The following C8orf34 variants were observed in gnomAD, a reference collection of about 807,000 sequenced individuals.
C8orf34 encodes uncharacterized protein C8orf34.
In C8orf34, 65 loss-of-function variants were observed where a neutral mutation model predicts 68.3. That is an observed-to-expected ratio of 0.95 (90% CI 0.78 to 1.17). The LOEUF is 1.17. Among genes scored for constraint, C8orf34 ranks in the 50% most tolerant of loss-of-function variants. The probability of loss-of-function intolerance (pLI) is 0.00; values close to 1 mark genes in which losing one functional copy is unlikely to be tolerated. For synonymous variants in C8orf34, 244 were observed against 241.2 expected (o/e 1.01, Z -0.11); for missense variants, 664 against 655.4 (o/e 1.01, Z -0.14).
intron 1 of C8orf34, among the ~76,000 whole-genome samples, chr8:68,344,872 T>C (rs1806216953): frequency 1.3e-5 from 2 of 152,094 alleles, no homozygotes; most frequent in South Asian, 4.1e-4. Context: ...TCTGTGATAT[T>C]GATAGAAAAA....
chr8:68,447,360 C>T (rs1011927696), intron 3 of C8orf34: 1 of 152,146 alleles, frequency 6.6e-6, no homozygotes, highest in African/African-American at 2.4e-5. Context: ...GACAAATATC[C>T]AAGCTATACC....
rs1329281062 is a variant in C8orf34 at position 68,746,675 on chromosome 8, C to T, written c.1404+25238C>T. 5.2e-3 allele frequency among the ~76,000 whole-genome samples: 767 copies of T among 148,462 alleles called. 6 individuals carry two copies. Among genetic ancestry groups the T allele is most frequent in the African/African-American group, 0.017 (692 of 40,394 alleles). On this transcript the variant is annotated intron_variant, in intron 10 of 13. Transcript: ENST00000518698. ...CCTCGACACATACACCCTCCCAAGA[C>T]TAAACCAGGAAGAAGTTGAATCTCT...
At chr8:68,617,970 G>A (rs939200925) in intron 7 of C8orf34, among the ~76,000 whole-genome samples, 2 of 152,038 alleles carry the variant, frequency 1.3e-5, no homozygotes, top group African/African-American at 4.8e-5. Context: ...ATTTCTTGGA[G>A]GCTTTGTTCG....
At chr8:68,534,240 T>G (rs1046535347) in intron 7 of C8orf34, 2 of 985,218 alleles carry the variant, frequency 2.0e-6, no homozygotes, top group African/African-American at 1.7e-5. Context: ...TTAAGGAGAT[T>G]GTATCATGGC....
chr8:68,741,206 A>G (rs1399047354), intron 10 of C8orf34, among the ~76,000 whole-genome samples: 1 of 152,204 alleles, frequency 6.6e-6, no homozygotes. Flanking sequence ...AAACCTGCAC[A>G]TGTACCCCTG....
At chr8:68,335,385 A>G (rs1369290198) in intron 1 of C8orf34, among the ~76,000 whole-genome samples, 1 of 152,206 alleles carries the variant, frequency 6.6e-6, no homozygotes, top group Non-Finnish European at 1.5e-5. Flanking sequence ...TAAATATTGT[A>G]AATATATTTT....
At chr8:68,727,636 C>T (rs1299098965) in intron 10 of C8orf34, among the ~76,000 whole-genome samples, 2 of 152,264 alleles carry the variant, frequency 1.3e-5, no homozygotes, top group Admixed American at 6.5e-5. Flanking sequence ...TTCCATATAT[C>T]TTCCGAAATC....
rs1012080659 is a variant in C8orf34, at chr8:68,402,375, C to A, written c.328-37124C>A. 6.6e-5 allele frequency among the ~76,000 whole-genome samples: 10 copies of A among 151,786 alleles called. No individual in the cohort carries two copies. The East Asian group carries it at 1.9e-3, about 29-fold the overall frequency. On this transcript the variant is annotated intron_variant, in intron 1 of 13. Transcript: ENST00000518698. ...GGAACTAATTTTTTCTTTCATTGAT[C>A]CTTTGTATTGTTTTTTCATCTCAAT...
chr8:68,499,630 CG>C (rs1288078407), intron 5 of C8orf34, among the ~76,000 whole-genome samples: 3 of 152,056 alleles, frequency 2.0e-5, no homozygotes, highest in African/African-American at 7.3e-5. Context: ...TGTTAAAATT[CG>C]TAGGTAAAAT....
chr8:68,505,432 G>C (rs1813965267), intron 5 of C8orf34, among the ~76,000 whole-genome samples: 1 of 152,028 alleles, frequency 6.6e-6, no homozygotes, highest in South Asian at 2.1e-4. Context: ...TTTTCTCACT[G>C]AAAGAATGAG....
chr8:68,697,894 G>C (rs1820881555), intron 8 of C8orf34, among the ~76,000 whole-genome samples: 2 of 152,006 alleles, frequency 1.3e-5, no homozygotes, highest in Admixed American at 1.3e-4. Context: ...CTGTTTGTTG[G>C]TGTTGCACGA....
At position 68,662,674 on chromosome 8, in the gene C8orf34, T is replaced by A. The variant is rs138933278; in HGVS notation, c.1241+22163T>A. ...CCTCTTTTCTTTATAAATTACCCAA[T>A]CTCAGGTATGTCTTTATTAGCAGCA... is the stretch of plus-strand genomic sequence containing the variant. On this transcript the variant is annotated intron_variant, in intron 8 of 13. Transcript: ENST00000518698. 6.6e-5 allele frequency among the ~76,000 whole-genome samples: 10 copies of A among 152,302 alleles called. No homozygotes were observed. In the East Asian group the frequency reaches 1.9e-3, roughly 29 times the overall value.
Position 68,439,501 on chromosome 8 carries a change from A to T in C8orf34, c.330A>T (p.Glu110Asp). 1 of 1,612,830 alleles carries T rather than the reference A, an allele frequency of 6.2e-7. No homozygotes were observed. The highest frequency in any genetic ancestry group is 8.5e-7 in the Non-Finnish European group (1 of 1,179,474). The change falls in exon 2 of 14, where the codon GAA (glutamate) becomes GAT (aspartate). Residue 110 changes from glutamate (E) to aspartate (D), a missense_variant and splice_region_variant. By Grantham distance (45) the Glu-to-Asp change is conservative. Transcript: ENST00000518698. ...EKNKIGPLFE[E>D]LMTKLITETP... ...TGTGTGCTCTATTCTGCCTTCAGGA[A>T]TTAATGACCAAGTTAATAACTGAGA...
chr8:68,731,026 A>G (rs551792022), intron 10 of C8orf34, among the ~76,000 whole-genome samples: 1 of 152,276 alleles, frequency 6.6e-6, no homozygotes, highest in East Asian at 1.9e-4. Flanking sequence ...AGTAATATGG[A>G]TTATGTTTGT....
At position 68,599,770 on chromosome 8, in the gene C8orf34, A is replaced by G. The variant is rs561213074; in HGVS notation, c.1106-40606A>G. Among the ~76,000 whole-genome samples the G allele has an allele frequency of 1.1e-3, 164 of 152,090 alleles. 1 individual carries two copies. The highest frequency in any genetic ancestry group is 3.5e-3 in the African/African-American group (144 of 41,568). On this transcript the variant is annotated intron_variant, in intron 7 of 13. Coordinates refer to ENST00000518698, the MANE Select transcript of C8orf34 (RefSeq NM_052958.4). ...AGAGGATGTGAAATATACCTGTTGT[A>G]AAAAACTGGAAAGTTGAAAATCATC...
intron 5 of C8orf34, among the ~76,000 whole-genome samples, chr8:68,517,387 A>G (rs1467653406): frequency 1.3e-5 from 2 of 152,168 alleles, no homozygotes; most frequent in African/African-American, 2.4e-5. Flanking sequence ...TTTTTCATCA[A>G]CACTAGAATG....
At chr8:68,540,845 CAA>C (rs11299984) in intron 7 of C8orf34, among the ~76,000 whole-genome samples, 1 of 150,746 alleles carries the variant, frequency 6.6e-6, no homozygotes, top group Non-Finnish European at 1.5e-5. Context: ...GCGTCTCAAA[CAA>C]AAAAAAAAGA....
chr8:68,607,141 C>A (rs1180718565), intron 7 of C8orf34, among the ~76,000 whole-genome samples: 1 of 152,048 alleles, frequency 6.6e-6, no homozygotes, highest in African/African-American at 2.4e-5. Context: ...AGGCTTTGTT[C>A]ATCGAAAAAA....
chr8:68,432,559 T>C (rs1468150144), intron 1 of C8orf34, among the ~76,000 whole-genome samples: 2 of 152,114 alleles, frequency 1.3e-5, no homozygotes, highest in African/African-American at 4.8e-5. Context: ...CTGCCTATCT[T>C]GGCCTCCAGT....
Sources: allele counts gnomAD v4.1 joint callset (sites outside exome capture counted in the v4.1 genomes callset), GRCh38; gene constraint gnomAD v4.1.1; transcripts MANE v1.5; gene names NCBI Gene and HGNC (gene_info 2026-07-23, HGNC 2026-07-21).